The following OGT variants were observed in gnomAD, a reference collection of about 807,000 sequenced individuals.
OGT encodes O-linked N-acetylglucosamine (GlcNAc) transferase.
A neutral mutation model predicts 75.8 loss-of-function variants in OGT; 3 were observed. The observed-to-expected ratio is 0.04, with a 90% CI of 0.02 to 0.10. The LOEUF (loss-of-function observed/expected upper bound fraction) is 0.10. Ranked by LOEUF, OGT falls within the 10% of genes least tolerant of loss-of-function variation. The pLI, the probability that OGT is intolerant of heterozygous loss-of-function variation, is 1.00. For synonymous variants in OGT, 257 were observed against 289.7 expected (o/e 0.89, Z 1.15); for missense variants, 260 against 824.4 (o/e 0.32, Z 8.38).
intron 2 of OGT, 26 bp from the exon 3 acceptor site, chrX:71,537,803 G>C: frequency 8.3e-7 from 1 of 1,209,393 alleles, no homozygotes; most frequent in Non-Finnish European, 1.1e-6. Flanking sequence ...GCATACCCAT[G>C]CATTAACACT....
chrX:71,555,386 G>A lies in OGT; in HGVS notation c.924+1G>A. 1 of 1,205,196 alleles carries A rather than the reference G, an allele frequency of 8.3e-7. No individual in the cohort carries two copies. The highest frequency in any genetic ancestry group is 1.1e-6 in the Non-Finnish European group (1 of 890,630). On this transcript the variant is annotated splice_donor_variant, in intron 7 of 21. Transcript: ENST00000373719. LOFTEE classifies it high-confidence loss of function. ...CAATGCTCTCAAAGAGAAGGGCAGT[G>A]TAAGGATTTTTACTCATTCTATTTG...
chrX:71,551,605 C>A (rs1272902046), intron 5 of OGT, among the ~76,000 whole-genome samples: 4 of 111,781 alleles, frequency 3.6e-5, no homozygotes, highest in African/African-American at 9.8e-5. Flanking sequence ...GCATTCCAGC[C>A]TGGGCGACAG....
intron 5 of OGT, among the ~76,000 whole-genome samples, chrX:71,550,640 A>G (rs912887019): frequency 1.2e-4 from 13 of 111,849 alleles, no homozygotes; most frequent in African/African-American, 4.2e-4. Context: ...TTAACCCTTT[A>G]TCAGTTGTAT....
At chrX:71,571,275 A>G (rs926384506) in intron 21 of OGT, among the ~76,000 whole-genome samples, 2 of 112,193 alleles carry the variant, frequency 1.8e-5, no homozygotes, top group African/African-American at 3.2e-5. Flanking sequence ...TTACATATCT[A>G]TTCATCCATT....
At chrX:71,557,424 A>G (rs2040350334) in intron 11 of OGT, 69 bp from the exon 12 acceptor site, 1 of 1,126,136 alleles carries the variant, frequency 8.9e-7, no homozygotes, top group African/African-American at 1.8e-5. Context: ...ACTTTAGGCC[A>G]AAGACATATC....
At chrX:71,547,246 T>C in intron 4 of OGT, 1 of 754,078 alleles carries the variant, frequency 1.3e-6, no homozygotes, top group South Asian at 6.7e-5. Flanking sequence ...TTCTCCTCAG[T>C]AGCATAGTTT....
At chrX:71,565,270 G>A (rs1017600818) in intron 19 of OGT, among the ~76,000 whole-genome samples, 2 of 111,603 alleles carry the variant, frequency 1.8e-5, no homozygotes, top group African/African-American at 6.5e-5. Context: ...TCTGTTGTTC[G>A]GGCTGCAGTG....
intron 1 of OGT, 47 bp downstream of exon 1, chrX:71,533,383 G>A: frequency 9.1e-7 from 1 of 1,093,251 alleles, no homozygotes; most frequent in South Asian, 2.0e-5. Flanking sequence ...TTGGGGTCTC[G>A]CGCCGTCCTC....
intron 3 of OGT, among the ~76,000 whole-genome samples, chrX:71,540,186 A>G (rs2040207711): frequency 8.9e-6 from 1 of 112,328 alleles, no homozygotes; most frequent in Admixed American, 9.5e-5. Context: ...GGATTGTGCA[A>G]GTTCCCTTGA....
At chrX:71,556,469 AGAG>A (rs1288115980) in intron 8 of OGT, 5 of 368,326 alleles carry the variant, frequency 1.4e-5, no homozygotes, top group Admixed American at 1.0e-4. Flanking sequence ...GGATAAACTA[AGAG>A]GAGAAGAGGT....
chrX:71,570,109 C>T (rs759918972), intron 21 of OGT, among the ~76,000 whole-genome samples: 1 of 92,762 alleles, frequency 1.1e-5, no homozygotes, highest in South Asian at 6.2e-4. Flanking sequence ...GGCACGATCT[C>T]GGCTCACTGC....
At chrX:71,553,132 C>T (rs1311758060) in intron 5 of OGT, among the ~76,000 whole-genome samples, 3 of 111,699 alleles carry the variant, frequency 2.7e-5, no homozygotes, top group African/African-American at 6.5e-5. Flanking sequence ...CGCTCTGTCG[C>T]CCAGGCTGGA....
intron 8 of OGT, 82 bp downstream of exon 8, chrX:71,556,176 T>TA (rs2040342299): frequency 9.7e-7 from 1 of 1,033,508 alleles, no homozygotes; most frequent in Non-Finnish European, 1.3e-6. Context: ...ACCTCTTTTG[T>TA]AAAAATAGTG....
At chrX:71,571,610 G>C (rs1400388464) in intron 21 of OGT, among the ~76,000 whole-genome samples, 1 of 112,008 alleles carries the variant, frequency 8.9e-6, no homozygotes, top group East Asian at 2.8e-4. Context: ...GGTTGCCCAG[G>C]CTGGTCTCAA....
chrX:71,570,957 C>CTT (rs1237109889), intron 21 of OGT, among the ~76,000 whole-genome samples: 1 of 97,771 alleles, frequency 1.0e-5, no homozygotes, highest in African/African-American at 3.7e-5. Context: ...CCATGCCTGG[C>CTT]TTTTTTTTTT....
chrX:71,557,354 G>A, intron 11 of OGT, 58 bp downstream of exon 11: 1 of 1,074,610 alleles, frequency 9.3e-7, no homozygotes, highest in Admixed American at 2.4e-5. Flanking sequence ...TTTAATTGTT[G>A]TATGCCATAA....
intron 3 of OGT, among the ~76,000 whole-genome samples, chrX:71,543,088 CT>C (rs1475782066): frequency 1.8e-5 from 2 of 111,375 alleles, no homozygotes; most frequent in African/African-American, 6.5e-5. Context: ...TGTTGGCAGA[CT>C]TTTTGGTTCA....
At chrX:71,559,164 T>G (rs2040365527) in intron 12 of OGT, 103 bp from the exon 13 acceptor site, 1 of 738,647 alleles carries the variant, frequency 1.4e-6, no homozygotes, top group Non-Finnish European at 2.0e-6. Context: ...TGGGCAGACC[T>G]TTTTCAACAG....
intron 14 of OGT, among the ~76,000 whole-genome samples, chrX:71,560,003 C>T (rs2040370830): frequency 9.1e-6 from 1 of 110,459 alleles, no homozygotes; most frequent in East Asian, 2.8e-4. Flanking sequence ...AAAATAGGGC[C>T]GGGTGTGGTG....
Sources: allele counts gnomAD v4.1 joint callset (sites outside exome capture counted in the v4.1 genomes callset), GRCh38; gene constraint gnomAD v4.1.1; transcripts MANE v1.5; gene names NCBI Gene and HGNC (gene_info 2026-07-23, HGNC 2026-07-21).